Variants in NF1 observed in about 807,000 individuals in gnomAD.
The protein encoded by NF1 is neurofibromin 1.
A neutral mutation model predicts 325.7 loss-of-function variants in NF1; 122 were observed. The ratio of observed to expected loss-of-function variants is 0.37; its 90% CI spans 0.32 to 0.44. The LOEUF is 0.44. NF1 is among the 20% of genes least tolerant of loss of function. The pLI is 1.00. For synonymous variants in NF1, 1,091 were observed against 1,186.0 expected (o/e 0.92, Z 1.65); for missense variants, 2,140 against 3,415.4 (o/e 0.63, Z 9.31).
At chr17:31,369,698 G>A (rs1267000740) in intron 57 of NF1, among the ~76,000 whole-genome samples, 1 of 152,160 alleles carries the variant, frequency 6.6e-6, no homozygotes, top group African/African-American at 2.4e-5. Context: ...CAGCACCAAG[G>A]CCTTCTCACT....
chr17:31,095,326 C>T lies in NF1; in HGVS notation c.17C>T (p.Pro6Leu), dbSNP rs864622210. ...GGGGAGGACATGGCCGCGCACAGGC[C>T]GGTGGAATGGGTCCAGGCCGTGGTC... MAAHRPVEWVQAVVSR... is the reference protein window; with the variant it reads MAAHRLVEWVQAVVSR... Residue 6 changes from proline (P) to leucine (L), a missense_variant, in exon 1 of 58, where the codon CCG becomes CTG. Transcript: ENST00000358273. 1.3e-6 allele frequency: 2 copies of T among 1,538,730 alleles called. No homozygotes were observed. The highest frequency in any genetic ancestry group is 1.2e-5 in the South Asian group (1 of 83,932).
At chr17:31,318,766 A>T (rs764411984) in intron 36 of NF1, 5 of 1,613,960 alleles carry the variant, frequency 3.1e-6, no homozygotes, top group Middle Eastern at 1.6e-4. Context: ...TAAAGCTACG[A>T]TGTGAGATGT....
intron 21 of NF1, 38 bp from the exon 22 acceptor site, chr17:31,229,797 T>C: frequency 6.2e-7 from 1 of 1,610,962 alleles, no homozygotes; most frequent in East Asian, 2.2e-5. Flanking sequence ...CTTCTGGGCA[T>C]TGATGGCAAA....
intron 36 of NF1, chr17:31,271,944 C>G (rs1367436012): frequency 6.6e-6 from 1 of 151,914 alleles, no homozygotes; most frequent in Non-Finnish European, 1.5e-5. Context: ...AATTTCTTCT[C>G]TTACACCTTT....
chr17:31,100,564 A>C (rs1419186563), intron 1 of NF1, among the ~76,000 whole-genome samples: 1 of 151,478 alleles, frequency 6.6e-6, no homozygotes, highest in African/African-American at 2.4e-5. Flanking sequence ...TGTTATTTTA[A>C]ATTTTTATTT....
At chr17:31,215,646 T>C (rs2066807311) in intron 13 of NF1, among the ~76,000 whole-genome samples, 1 of 152,232 alleles carries the variant, frequency 6.6e-6, no homozygotes, top group East Asian at 1.9e-4. Context: ...TTAACACTAA[T>C]TAATGCACCA....
intron 1 of NF1, among the ~76,000 whole-genome samples, chr17:31,149,023 T>C (rs930312673): frequency 1.3e-5 from 2 of 152,156 alleles, no homozygotes; most frequent in Non-Finnish European, 2.9e-5. Flanking sequence ...TGTTTTGTTT[T>C]GTTTCTTAAT....
chr17:31,361,676 TA>T (rs909643503), intron 57 of NF1: 5 of 152,062 alleles, frequency 3.3e-5, no homozygotes, highest in African/African-American at 7.2e-5. Context: ...AGCATAAATT[TA>T]AAAAAAATCC....
chr17:31,098,955 A>C (rs1015725873), intron 1 of NF1, among the ~76,000 whole-genome samples: 1 of 151,232 alleles, frequency 6.6e-6, no homozygotes, highest in Non-Finnish European at 1.5e-5. Context: ...AAAAAAAAGA[A>C]TCTTAATAGT....
At chr17:31,347,062 A>G (rs1447228070) in intron 48 of NF1, among the ~76,000 whole-genome samples, 2 of 151,588 alleles carry the variant, frequency 1.3e-5, no homozygotes, top group East Asian at 1.9e-4. Context: ...GGAACCCCCT[A>G]AAGTCTTTTG....
At chr17:31,304,623 A>G in intron 36 of NF1, 1 of 1,614,208 alleles carries the variant, frequency 6.2e-7, no homozygotes, top group Non-Finnish European at 8.5e-7. Context: ...AAGAAGAAAC[A>G]GCAGTTCCAA....
intron 1 of NF1, among the ~76,000 whole-genome samples, chr17:31,130,025 T>C (rs1935736393): frequency 6.6e-6 from 1 of 151,944 alleles, no homozygotes; most frequent in Admixed American, 6.6e-5. Context: ...CTTGTGTTGG[T>C]GCTTTGTCAT....
chr17:31,206,516 G>GTATTCAAC, intron 12 of NF1, 145 bp downstream of exon 12: 2 of 905,766 alleles, frequency 2.2e-6, no homozygotes, highest in Non-Finnish European at 3.6e-6. Context: ...GTTGTATCTA[G>GTATTCAAC]AATATTGTTG....
At chr17:31,214,352 C>A in intron 12 of NF1, 99 bp from the exon 13 acceptor site, 1 of 948,932 alleles carries the variant, frequency 1.1e-6, no homozygotes, top group Non-Finnish European at 1.6e-6. Flanking sequence ...TAAAAAATAG[C>A]TTTTTTCAAA....
intron 50 of NF1, among the ~76,000 whole-genome samples, chr17:31,351,157 T>A (rs1044313977): frequency 6.6e-6 from 1 of 152,190 alleles, no homozygotes; most frequent in Non-Finnish European, 1.5e-5. Flanking sequence ...CCTGTCAAAG[T>A]ATAAATTAAT....
At chr17:31,304,580 G>A in intron 36 of NF1, 1 of 1,614,170 alleles carries the variant, frequency 6.2e-7, no homozygotes, top group Non-Finnish European at 8.5e-7. Context: ...AAATCCAGAA[G>A]GGGAGGTGGT....
chr17:31,248,012 G>A (rs2067427149), intron 29 of NF1, among the ~76,000 whole-genome samples: 2 of 151,988 alleles, frequency 1.3e-5, no homozygotes, highest in Admixed American at 1.3e-4. Context: ...AGACCAGCCT[G>A]ACCAACATGG....
At chr17:31,153,325 T>C (rs1218815986) in intron 1 of NF1, among the ~76,000 whole-genome samples, 1 of 152,276 alleles carries the variant, frequency 6.6e-6, no homozygotes, top group African/African-American at 2.4e-5. Flanking sequence ...TGACGACTAG[T>C]GGCTGTTGTA....
At chr17:31,310,060 T>A (rs1475311577) in intron 36 of NF1, among the ~76,000 whole-genome samples, 1 of 152,100 alleles carries the variant, frequency 6.6e-6, no homozygotes, top group Non-Finnish European at 1.5e-5. Context: ...AAAAACTGAC[T>A]TTTTTCCCAG....
Sources: gnomAD v4.1 joint callset for allele counts (sites outside exome capture counted in the v4.1 genomes callset) on GRCh38, gnomAD v4.1.1 for gene constraint, MANE v1.5 for transcripts, NCBI Gene and HGNC (gene_info 2026-07-23, HGNC 2026-07-21) for gene names.